The following ZNRF3 variants were observed in gnomAD, a reference collection of about 807,000 sequenced individuals.
The protein encoded by ZNRF3 is E3 ubiquitin-protein ligase ZNRF3.
In ZNRF3, 23 loss-of-function variants were observed where a neutral mutation model predicts 72.5. The ratio of observed to expected loss-of-function variants is 0.32; its 90% CI spans 0.23 to 0.45. The LOEUF (loss-of-function observed/expected upper bound fraction) is 0.45. Ranked by LOEUF, ZNRF3 falls within the 20% of genes least tolerant of loss-of-function variation. ZNRF3 has a pLI of 1.00. For missense variants in ZNRF3, 1,169 were observed against 1,272.1 expected, an observed-to-expected ratio of 0.92 and a Z score of 1.23; for synonymous variants, 610 against 545.3, an observed-to-expected ratio of 1.12 and a Z score of -1.65.
intron 2 of ZNRF3, among the ~76,000 whole-genome samples, chr22:29,019,311 C>T (rs959315073): frequency 1.3e-5 from 2 of 152,100 alleles, no homozygotes; most frequent in African/African-American, 2.4e-5. Flanking sequence ...ATTTTCTTTA[C>T]TCTAAGAGGT....
rs917524952 is a variant in ZNRF3, at chr22:28,883,727, C to G, written c.-40C>G. 1.0e-6 allele frequency: 1 copy of G among 982,162 alleles called. No homozygotes were observed. The highest frequency in any genetic ancestry group is 1.8e-5 in the African/African-American group (1 of 56,676). 60.8% of individuals were successfully genotyped at this position (982,162 alleles called of 1,614,324 possible). On this transcript the variant is annotated 5_prime_UTR_variant, in exon 1 of 9. Transcript: ENST00000544604. This position sits in a 1 kb window ranked among gnomAD's most constrained non-coding sequence, Gnocchi z 5.5. Reference sequence around the variant, plus strand: ...GTCCTCAGCCGGCCCGCGACTATGCCCGGCCGCGCCCGCCCTCCGCGCCCT... The same window carrying G: ...GTCCTCAGCCGGCCCGCGACTATGCGCGGCCGCGCCCGCCCTCCGCGCCCT...
intron 2 of ZNRF3, among the ~76,000 whole-genome samples, chr22:28,991,523 G>A (rs2035954670): frequency 6.6e-6 from 1 of 151,974 alleles, no homozygotes; most frequent in Non-Finnish European, 1.5e-5. Flanking sequence ...TGTAGTGGGG[G>A]CTCTGTGAGA....
intron 2 of ZNRF3, among the ~76,000 whole-genome samples, chr22:28,991,306 AAAAAAG>A (rs1296550155): frequency 6.8e-5 from 10 of 147,220 alleles, no homozygotes; most frequent in Non-Finnish European, 8.9e-5. Context: ...AAAAAAAAAA[AAAAAAG>A]AAGAACAGTA....
intron 1 of ZNRF3, among the ~76,000 whole-genome samples, chr22:28,979,517 C>G (rs2035729321): frequency 6.6e-6 from 1 of 152,196 alleles, no homozygotes; most frequent in Non-Finnish European, 1.5e-5. Flanking sequence ...TGCTCCTATA[C>G]CATTGCCAGT....
chr22:28,967,605 T>C (rs2035493534), intron 1 of ZNRF3, among the ~76,000 whole-genome samples: 2 of 152,286 alleles, frequency 1.3e-5, no homozygotes. Flanking sequence ...CACTGCGACA[T>C]ACCTAGGGGT....
chr22:28,934,329 G>A (rs538896912), intron 1 of ZNRF3, among the ~76,000 whole-genome samples: 24 of 152,278 alleles, frequency 1.6e-4, no homozygotes, highest in Middle Eastern at 3.4e-3. Flanking sequence ...CTGATGAGGT[G>A]CATTGAGACT....
intron 2 of ZNRF3, among the ~76,000 whole-genome samples, chr22:28,997,173 T>C (rs2036058299): frequency 2.0e-5 from 3 of 152,160 alleles, no homozygotes; most frequent in Non-Finnish European, 4.4e-5. Context: ...TCACCAGGCC[T>C]TCTCTGGTCA....
rs765519314 is a variant in ZNRF3 at position 29,049,361 on chromosome 22, G to A, written c.1180G>A (p.Val394Ile). Residue 394 changes from valine (V) to isoleucine (I), a missense_variant, in exon 8 of 9, where the codon GTC (valine) becomes ATC (isoleucine). Physicochemically the swap from Val to Ile is conservative, Grantham distance 29. Transcript: ENST00000544604. This position sits in a 1 kb window ranked among gnomAD's most constrained non-coding sequence, Gnocchi z 5.2. Reference protein sequence around the residue: ...RTSMDSHGNPVTLLTMDRHGE... With the variant: ...RTSMDSHGNPITLLTMDRHGE... The stretch of plus-strand genomic sequence containing the variant: ...AAGCATGGACTCCCACGGCAACCCC[G>A]TCACCTTGCTGACCATGGACCGGCA... The A allele has an allele frequency of 3.7e-6, 6 of 1,613,290 alleles. No homozygotes were observed. The highest frequency in any genetic ancestry group is 1.7e-5 in the Admixed American group (1 of 59,986).
chr22:28,926,248 G>T (rs2034598217), intron 1 of ZNRF3, among the ~76,000 whole-genome samples: 1 of 152,218 alleles, frequency 6.6e-6, no homozygotes, highest in South Asian at 2.1e-4. Context: ...GGGTGGAGGT[G>T]CTGCTGCAGA....
At chr22:28,938,247 C>A (rs2034877083) in intron 1 of ZNRF3, among the ~76,000 whole-genome samples, 1 of 151,624 alleles carries the variant, frequency 6.6e-6, no homozygotes, top group Non-Finnish European at 1.5e-5. Flanking sequence ...TTAAATATGT[C>A]TTGAAAGCTT....
At chr22:28,916,561 C>T (rs1291438288) in intron 1 of ZNRF3, among the ~76,000 whole-genome samples, 1 of 152,082 alleles carries the variant, frequency 6.6e-6, no homozygotes, top group Non-Finnish European at 1.5e-5. Context: ...CAAAAAAGCT[C>T]ATATGTTTTG....
chr22:28,983,542 C>T (rs951530351), intron 1 of ZNRF3, among the ~76,000 whole-genome samples: 7 of 152,224 alleles, frequency 4.6e-5, no homozygotes, highest in African/African-American at 1.7e-4. Context: ...TCTCCCCGTC[C>T]TCCACATCTG....
At chr22:28,930,828 A>G (rs946747349) in intron 1 of ZNRF3, among the ~76,000 whole-genome samples, 7 of 152,208 alleles carry the variant, frequency 4.6e-5, no homozygotes, top group South Asian at 2.1e-4. Context: ...GCCTTGCTCA[A>G]TGCAAATTTA....
chr22:29,019,331 T>G (rs751386858), intron 2 of ZNRF3, among the ~76,000 whole-genome samples: 47 of 152,346 alleles, frequency 3.1e-4, no homozygotes, highest in Admixed American at 8.5e-4. Flanking sequence ...TGTGAATGTC[T>G]TGTAACACTT....
intron 2 of ZNRF3, among the ~76,000 whole-genome samples, chr22:29,040,571 G>A: frequency 6.6e-6 from 1 of 152,122 alleles, no homozygotes; most frequent in East Asian, 1.9e-4. Flanking sequence ...TTGGCAGCAT[G>A]CCAGTGGCAG....
intron 1 of ZNRF3, among the ~76,000 whole-genome samples, chr22:28,893,474 A>G (rs1052962328): frequency 4.7e-5 from 7 of 150,386 alleles, no homozygotes; most frequent in African/African-American, 1.2e-4. Flanking sequence ...CCGTGCCAGC[A>G]TTGGTAATTT....
intron 1 of ZNRF3, among the ~76,000 whole-genome samples, chr22:28,926,758 C>T (rs2034609319): frequency 6.8e-6 from 1 of 146,038 alleles, no homozygotes; most frequent in African/African-American, 2.6e-5. Flanking sequence ...AAGATTGCAC[C>T]ACTGCACTCC....
At chr22:28,970,341 G>A (rs1172928515) in intron 1 of ZNRF3, among the ~76,000 whole-genome samples, 2 of 152,160 alleles carry the variant, frequency 1.3e-5, no homozygotes, top group Non-Finnish European at 2.9e-5. Flanking sequence ...CACTAGAATG[G>A]CTAAAATTAA....
intron 1 of ZNRF3, among the ~76,000 whole-genome samples, chr22:28,918,530 ATGTGTGCG>A (rs1426250892): frequency 3.0e-5 from 1 of 33,020 alleles, no homozygotes; most frequent in Non-Finnish European, 7.2e-5. Context: ...GTGTATCTGC[ATGTGTGCG>A]TGTGTGTGTG....
Sources: gnomAD v4.1 joint callset for allele counts (sites outside exome capture counted in the v4.1 genomes callset) on GRCh38, gnomAD v4.1.1 for gene constraint, Gnocchi (gnomAD v3.1) non-coding constraint, MANE v1.5 for transcripts, NCBI Gene and HGNC (gene_info 2026-07-23, HGNC 2026-07-21) for gene names.